Variants in CTNND2 observed in about 807,000 individuals in gnomAD.
CTNND2 encodes catenin delta 2.
In CTNND2, 22 loss-of-function variants were observed where a neutral mutation model predicts 144.4. The observed-to-expected ratio is 0.15, with a 90% CI of 0.11 to 0.22. CTNND2 has a LOEUF of 0.22. Ranked by LOEUF, CTNND2 falls within the 10% of genes least tolerant of loss-of-function variation. The pLI is 1.00. For synonymous variants in CTNND2, 751 were observed against 695.6 expected (o/e 1.08, Z -1.25); for missense variants, 1,353 against 1,618.8 (o/e 0.84, Z 2.82).
At chr5:11,400,360 T>C (rs528379041) in intron 5 of CTNND2, among the ~76,000 whole-genome samples, 1 of 152,318 alleles carries the variant, frequency 6.6e-6, no homozygotes, top group Admixed American at 6.5e-5. Context: ...CGGATCATCA[T>C]GTCCTTCTTG....
chr5:11,332,343 G>A (rs565633572), intron 9 of CTNND2, among the ~76,000 whole-genome samples: 17 of 151,896 alleles, frequency 1.1e-4, no homozygotes, highest in African/African-American at 4.1e-4. Context: ...GTTTTGAAAG[G>A]ATCAGGATCC....
intron 2 of CTNND2, among the ~76,000 whole-genome samples, chr5:11,729,965 A>G (rs960717248): frequency 1.8e-5 from 2 of 109,656 alleles, no homozygotes; most frequent in Non-Finnish European, 3.4e-5. Flanking sequence ...AACATTCATT[A>G]CTTGCTTGCA....
At chr5:11,541,678 A>G (rs899903403) in intron 3 of CTNND2, among the ~76,000 whole-genome samples, 4 of 152,192 alleles carry the variant, frequency 2.6e-5, no homozygotes, top group Non-Finnish European at 5.9e-5. Flanking sequence ...ACATTTAGAT[A>G]AGACATCTCA....
intron 9 of CTNND2, among the ~76,000 whole-genome samples, chr5:11,297,916 T>C (rs1301440889): frequency 6.6e-6 from 1 of 152,180 alleles, no homozygotes; most frequent in Non-Finnish European, 1.5e-5. Flanking sequence ...AATACCATCA[T>C]CCTAATGTTA....
At chr5:11,317,797 A>G (rs895957330) in intron 9 of CTNND2, among the ~76,000 whole-genome samples, 1 of 152,188 alleles carries the variant, frequency 6.6e-6, no homozygotes, top group Admixed American at 6.5e-5. Context: ...GTAACCCTAA[A>G]ATTAAATGCA....
intron 16 of CTNND2, among the ~76,000 whole-genome samples, chr5:11,054,174 G>A (rs181901904): frequency 2.0e-5 from 3 of 152,254 alleles, no homozygotes; most frequent in East Asian, 1.9e-4. Flanking sequence ...GCAGCAACAC[G>A]GCTACTGCTA....
At chr5:11,188,346 C>A (rs1458933690) in intron 11 of CTNND2, among the ~76,000 whole-genome samples, 1 of 152,140 alleles carries the variant, frequency 6.6e-6, no homozygotes, top group Non-Finnish European at 1.5e-5. Context: ...AGCAAACTAA[C>A]ACAAGAACAG....
At chr5:11,474,585 G>A (rs1212560009) in intron 3 of CTNND2, among the ~76,000 whole-genome samples, 3 of 152,180 alleles carry the variant, frequency 2.0e-5, no homozygotes, top group African/African-American at 7.2e-5. Context: ...ATCAGAAAGA[G>A]GGCACCAAGA....
rs140474278 is a variant in CTNND2 at position 11,523,006 on chromosome 5, C to T, written c.287+41938G>A. ...TTTCTGATATCAAGTTACAGTGGAGCTATTTGGCATGGTTGGATGCGATGG... is the reference window on the plus strand; with the variant it reads ...TTTCTGATATCAAGTTACAGTGGAGTTATTTGGCATGGTTGGATGCGATGG... On this transcript the variant is annotated intron_variant, in intron 3 of 21. Transcript: ENST00000304623. Among the ~76,000 whole-genome samples the T allele has an allele frequency of 2.9e-4, 44 of 152,294 alleles. No individual in the cohort carries two copies. The East Asian group carries it at 4.1e-3, about 14-fold the overall frequency.
intron 2 of CTNND2, among the ~76,000 whole-genome samples, chr5:11,622,681 A>AG (rs1344078594): frequency 2.0e-5 from 3 of 152,122 alleles, no homozygotes; most frequent in Non-Finnish European, 4.4e-5. Context: ...CCCCCACAAA[A>AG]GCATGGCTCA....
intron 8 of CTNND2, among the ~76,000 whole-genome samples, chr5:11,362,312 G>A (rs1391593868): frequency 6.6e-6 from 1 of 152,082 alleles, no homozygotes; most frequent in Non-Finnish European, 1.5e-5. Context: ...TATTATATAT[G>A]ATGTCTTTAA....
intron 20 of CTNND2, among the ~76,000 whole-genome samples, chr5:10,984,266 C>A (rs1234899751): frequency 2.0e-5 from 3 of 152,162 alleles, no homozygotes; most frequent in Non-Finnish European, 4.4e-5. Flanking sequence ...CACCTGGCCT[C>A]AGTGGACACC....
At chr5:11,144,545 G>A (rs1404129735) in intron 12 of CTNND2, among the ~76,000 whole-genome samples, 1 of 152,090 alleles carries the variant, frequency 6.6e-6, no homozygotes, top group East Asian at 1.9e-4. Flanking sequence ...AGTGAGTCAG[G>A]GTAAGGGTTA....
chr5:11,491,951 C>T (rs1446150059), intron 3 of CTNND2, among the ~76,000 whole-genome samples: 1 of 152,156 alleles, frequency 6.6e-6, no homozygotes, highest in Non-Finnish European at 1.5e-5. Context: ...TGCATGAAAA[C>T]TTGCTTAGCA....
intron 9 of CTNND2, among the ~76,000 whole-genome samples, chr5:11,317,192 A>C (rs1751600489): frequency 6.6e-6 from 1 of 152,214 alleles, no homozygotes; most frequent in Non-Finnish European, 1.5e-5. Context: ...ACAGGTTAAG[A>C]AACTGAGGCT....
At chr5:11,699,529 T>C (rs935591686) in intron 2 of CTNND2, among the ~76,000 whole-genome samples, 4 of 152,144 alleles carry the variant, frequency 2.6e-5, no homozygotes, top group African/African-American at 9.7e-5. Context: ...GGGCCAGACC[T>C]TCTCAAATTT....
At chr5:11,837,449 A>T (rs1794242038) in intron 1 of CTNND2, among the ~76,000 whole-genome samples, 2 of 152,356 alleles carry the variant, frequency 1.3e-5, no homozygotes, top group South Asian at 4.1e-4. Context: ...CCAGTGGTCA[A>T]GGTTTGAAGA....
At chr5:11,319,932 G>A (rs1047183584) in intron 9 of CTNND2, among the ~76,000 whole-genome samples, 10 of 152,076 alleles carry the variant, frequency 6.6e-5, no homozygotes, top group African/African-American at 7.2e-5. Context: ...AATGCATAAC[G>A]TGTTTCCTGT....
At chr5:11,387,597 G>T (rs1217696753) in intron 6 of CTNND2, among the ~76,000 whole-genome samples, 2 of 152,148 alleles carry the variant, frequency 1.3e-5, no homozygotes, top group Non-Finnish European at 2.9e-5. Flanking sequence ...TGATGGAAAA[G>T]CATCCGACAA....
Sources: allele counts gnomAD v4.1 joint callset (sites outside exome capture counted in the v4.1 genomes callset), GRCh38; gene constraint gnomAD v4.1.1; transcripts MANE v1.5; gene names NCBI Gene and HGNC (gene_info 2026-07-23, HGNC 2026-07-21).